The following LRRC20 variants were observed in gnomAD, a reference collection of about 807,000 sequenced individuals.
LRRC20 encodes leucine rich repeat containing 20.
In LRRC20, 11 loss-of-function variants were observed where a neutral mutation model predicts 14.4. That is an observed-to-expected ratio of 0.77 (90% CI 0.48 to 1.27). LRRC20 has a LOEUF of 1.27. LRRC20 is among the 50% of genes most tolerant of loss of function. LRRC20 has a pLI of 0.00. For missense variants in LRRC20, 219 were observed against 251.2 expected, an observed-to-expected ratio of 0.87 and a Z score of 0.87; for synonymous variants, 121 against 107.3, an observed-to-expected ratio of 1.13 and a Z score of -0.79.
At chr10:70,375,637 C>T (rs754547856) in intron 2 of LRRC20, among the ~76,000 whole-genome samples, 16 of 152,208 alleles carry the variant, frequency 1.1e-4, no homozygotes, top group Non-Finnish European at 1.5e-4. Flanking sequence ...AACTCCAATT[C>T]TGCCTGCCTA....
chr10:70,351,485 T>A (rs985925717), intron 2 of LRRC20, among the ~76,000 whole-genome samples: 3 of 152,238 alleles, frequency 2.0e-5, no homozygotes, highest in Non-Finnish European at 4.4e-5. Flanking sequence ...TTTAACGAAC[T>A]GTATTAATAA....
chr10:70,350,853 G>A (rs1336533763), intron 2 of LRRC20, among the ~76,000 whole-genome samples: 4 of 152,122 alleles, frequency 2.6e-5, no homozygotes, highest in South Asian at 2.1e-4. Flanking sequence ...TTAGGAGACC[G>A]GGGGTCCTTT....
intron 2 of LRRC20, among the ~76,000 whole-genome samples, chr10:70,351,819 T>C (rs894111406): frequency 1.3e-5 from 2 of 152,174 alleles, no homozygotes; most frequent in Non-Finnish European, 2.9e-5. Context: ...TCGATCCTAA[T>C]CACTGACTCT....
chr10:70,331,641 T>C (rs77291368), intron 3 of LRRC20, among the ~76,000 whole-genome samples: 2,464 of 152,238 alleles, frequency 0.016, 88 homozygotes, highest in African/African-American at 0.057. Flanking sequence ...CCCAGAAGAC[T>C]GCATTAGGGG....
intron 4 of LRRC20, among the ~76,000 whole-genome samples, chr10:70,319,709 G>T (rs573485841): frequency 1.3e-5 from 2 of 152,286 alleles, no homozygotes; most frequent in African/African-American, 4.8e-5. Flanking sequence ...TCCCAGGTGG[G>T]CTTATTTATA....
chr10:70,380,318 C>A (rs184106142), intron 1 of LRRC20, among the ~76,000 whole-genome samples: 1 of 152,302 alleles, frequency 6.6e-6, no homozygotes, highest in East Asian at 1.9e-4. Flanking sequence ...GTGCTCGGGA[C>A]CCCCAAAAGG....
rs186735011 is a variant in LRRC20, at chr10:70,340,213, A to G, written c.232+340T>C. Reference sequence around the variant, plus strand: ...CACAGGAGAACAACACTAGATTGGAAGGTGAGAAGGGGGCTCATTCAAGAC... The same window carrying G: ...CACAGGAGAACAACACTAGATTGGAGGGTGAGAAGGGGGCTCATTCAAGAC... On this transcript the variant is annotated intron_variant, in intron 3 of 4. Transcript: ENST00000446961. Among the ~76,000 whole-genome samples, 438 of 152,254 alleles carry G rather than the reference A, an allele frequency of 2.9e-3. 2 individuals are homozygous for G. The highest frequency in any genetic ancestry group is 6.8e-3 in the Middle Eastern group (2 of 294).
chr10:70,306,033 G>T (rs1269397804), intron 4 of LRRC20, among the ~76,000 whole-genome samples: 4 of 151,988 alleles, frequency 2.6e-5, no homozygotes, highest in African/African-American at 4.8e-5. Context: ...GAGCCACTGC[G>T]CCCGACCTAG....
rs60183658 is a variant in LRRC20 at position 70,380,508 on chromosome 10, G to A, written c.-64+2041C>T. Among the ~76,000 whole-genome samples, 325 of 152,326 alleles carry A rather than the reference G, an allele frequency of 2.1e-3. 5 individuals carry two copies. The East Asian group carries it at 0.038, about 18-fold the overall frequency. ...GGGATGGTGGTAGTGGAGAGTCACA[G>A]AGTGTTCCAAAAGGCAGAAACAGAC... On this transcript the variant is annotated intron_variant, in intron 1 of 4. Coordinates refer to ENST00000446961, the MANE Select transcript of LRRC20 (RefSeq NM_001278212.2).
intron 2 of LRRC20, among the ~76,000 whole-genome samples, chr10:70,349,280 A>G (rs989098644): frequency 2.0e-5 from 3 of 152,246 alleles, no homozygotes; most frequent in Non-Finnish European, 2.9e-5. Context: ...GGTCCCATTC[A>G]AGTTAATAAG....
In LRRC20 at chr10:70,306,296, T is replaced by C. The variant is rs1368887621; in HGVS notation, c.401-4788A>G. 3.3e-5 allele frequency among the ~76,000 whole-genome samples: 5 copies of C among 152,202 alleles called. No homozygotes were observed. In the East Asian group the frequency reaches 9.6e-4, roughly 29 times the overall value. On this transcript the variant is annotated intron_variant, in intron 4 of 4. Coordinates refer to ENST00000446961, the MANE Select transcript of LRRC20 (RefSeq NM_001278212.2). ...ATTGATAGAATGTGTATCTAACCCATGGCCCACAGTTCAGTGTGGTCAGGT... is the reference window on the plus strand; with the variant it reads ...ATTGATAGAATGTGTATCTAACCCACGGCCCACAGTTCAGTGTGGTCAGGT...
intron 1 of LRRC20, chr10:70,381,964 G>A (rs1267032837): frequency 6.6e-6 from 1 of 152,002 alleles, no homozygotes; most frequent in South Asian, 2.1e-4. Context: ...CGCGTGCCAG[G>A]ATCCGCCTCA....
intron 4 of LRRC20, among the ~76,000 whole-genome samples, chr10:70,307,172 C>T (rs1369494823): frequency 1.3e-5 from 2 of 152,294 alleles, no homozygotes; most frequent in African/African-American, 2.4e-5. Context: ...CTGACTAAGC[C>T]GTGTTTTACA....
At chr10:70,301,591 G>A (rs778215121) in intron 4 of LRRC20, 83 bp from the exon 5 acceptor site, 19 of 1,492,626 alleles carry the variant, frequency 1.3e-5, no homozygotes, top group Non-Finnish European at 1.7e-5. Context: ...AGGACTCTGA[G>A]CACCTGATGG....
At chr10:70,340,894 C>T (rs1383234089) in intron 2 of LRRC20, among the ~76,000 whole-genome samples, 192 bp from the exon 3 acceptor site, 1 of 152,138 alleles carries the variant, frequency 6.6e-6, no homozygotes, top group African/African-American at 2.4e-5. Flanking sequence ...TAACTCACAC[C>T]TGTCCCTCCC....
chr10:70,341,046 G>A (rs1842897340), intron 2 of LRRC20, among the ~76,000 whole-genome samples: 1 of 152,196 alleles, frequency 6.6e-6, no homozygotes, highest in South Asian at 2.1e-4. Flanking sequence ...AGTCCCTTTA[G>A]AATCATCAAA....
intron 3 of LRRC20, among the ~76,000 whole-genome samples, chr10:70,337,541 C>A (rs548928235): frequency 6.6e-6 from 1 of 152,338 alleles, no homozygotes; most frequent in East Asian, 1.9e-4. Context: ...CCGCATCCCA[C>A]AGATGCATGG....
intron 3 of LRRC20, among the ~76,000 whole-genome samples, chr10:70,333,347 C>T (rs373500825): frequency 2.0e-5 from 3 of 152,170 alleles, no homozygotes; most frequent in East Asian, 1.9e-4. Flanking sequence ...AGGATGGAAG[C>T]GATGCTCTCC....
At chr10:70,372,506 A>G (rs1357300687) in intron 2 of LRRC20, among the ~76,000 whole-genome samples, 1 of 149,820 alleles carries the variant, frequency 6.7e-6, no homozygotes, top group Non-Finnish European at 1.5e-5. Flanking sequence ...CAGTGGCGCA[A>G]TCTCAGCTCA....
Sources: gnomAD v4.1 joint callset for allele counts (sites outside exome capture counted in the v4.1 genomes callset) on GRCh38, gnomAD v4.1.1 for gene constraint, MANE v1.5 for transcripts, NCBI Gene and HGNC (gene_info 2026-07-23, HGNC 2026-07-21) for gene names.